The following C10orf71 variants were observed in gnomAD, a reference collection of about 807,000 sequenced individuals.
C10orf71 encodes the protein cardiac-enriched FHL2-interacting protein.
For missense variants in C10orf71, 1,869 were observed against 1,804.5 expected (o/e 1.04, Z -0.65); for synonymous variants, 758 against 726.3 (o/e 1.04, Z -0.70).
In C10orf71 at chr10:49,325,670, G is replaced by A; in HGVS notation, c.3125G>A (p.Gly1042Glu). 3 of 1,552,058 alleles carry A rather than the reference G, an allele frequency of 1.9e-6. No homozygotes were observed. The highest frequency in any genetic ancestry group is 1.4e-5 in the African/African-American group (1 of 73,180). Residue 1042 changes from glycine to glutamate, a missense_variant, in exon 3 of 3, where the codon GGG (glycine) becomes GAG (glutamate). Transcript: ENST00000374144. The stretch of plus-strand genomic sequence containing the variant: ...CACTTTTTGTCCACACCCAGAGCAG[G>A]GCCCCCTGGCAGAAGACTGGTCCCC... ...KSHFLSTPRA[G>E]PPGRRLVPSE...
chr10:49,314,493 G>A (rs1429765268), intron 1 of C10orf71, among the ~76,000 whole-genome samples: 2 of 152,210 alleles, frequency 1.3e-5, no homozygotes, highest in Non-Finnish European at 2.9e-5. Flanking sequence ...TGGTAAGCAA[G>A]AGAGTTTTTT....
chr10:49,325,900 T>G lies in C10orf71; in HGVS notation c.3355T>G (p.Trp1119Gly), dbSNP rs1826093080. The change falls in exon 3 of 3, where the codon TGG becomes GGG. Residue 1119 changes from tryptophan (W) to glycine (G), a missense_variant. Coordinates refer to ENST00000374144, the MANE Select transcript of C10orf71 (RefSeq NM_001135196.2). ...GGAGGACCTGACCCACGCCCTCGTG[T>G]GGGAGGGCGGCTCTGACCCCCTACT... is the stretch of plus-strand genomic sequence containing the variant. ...RREDLTHALV[W>G]EGGSDPLLEL... The G allele has an allele frequency of 6.5e-7, 1 of 1,549,796 alleles. No individual in the cohort carries two copies. Among genetic ancestry groups the G allele is most frequent in the Non-Finnish European group, 8.7e-7 (1 of 1,145,738 alleles).
Position 49,326,322 on chromosome 10 carries a change from G to A in C10orf71, c.3777G>A (p.Gly1259=), listed in dbSNP as rs1419473052. ...CGGAGCCTGTCGGGAGGCGGCCCGG[G>A]GGCCCCCAGTCCCTCACACCCCTGC... is the stretch of plus-strand genomic sequence containing the variant. ...GFSEPVGRRP[G]GPQSLTPLPA... Residue 1259 remains glycine (G), a synonymous_variant, in exon 3 of 3, where the codon GGG becomes GGA. Coordinates refer to ENST00000374144, the MANE Select transcript of C10orf71 (RefSeq NM_001135196.2). 1.3e-6 allele frequency: 2 copies of A among 1,549,532 alleles called. No individual in the cohort carries two copies. The highest frequency in any genetic ancestry group is 1.7e-6 in the Non-Finnish European group (2 of 1,146,418).
chr10:49,313,293 G>C (rs1052113239), intron 1 of C10orf71, among the ~76,000 whole-genome samples: 1 of 152,174 alleles, frequency 6.6e-6, no homozygotes, highest in Non-Finnish European at 1.5e-5. Context: ...AAGTAAAAAA[G>C]TCCAGGCAGA....
intron 1 of C10orf71, among the ~76,000 whole-genome samples, chr10:49,310,769 G>C (rs1848896382): frequency 6.9e-6 from 1 of 144,278 alleles, no homozygotes; most frequent in Non-Finnish European, 1.5e-5. Flanking sequence ...GAGACCCTCA[G>C]GTAGCCAGAT....
chr10:49,302,985 G>A (rs1169821158), intron 1 of C10orf71, among the ~76,000 whole-genome samples: 1 of 152,226 alleles, frequency 6.6e-6, no homozygotes, highest in Non-Finnish European at 1.5e-5. Flanking sequence ...AGTCCTGTGA[G>A]CATTAACTGA....
At chr10:49,307,691 A>G (rs1203494776) in intron 1 of C10orf71, among the ~76,000 whole-genome samples, 1 of 152,246 alleles carries the variant, frequency 6.6e-6, no homozygotes, top group Non-Finnish European at 1.5e-5. Context: ...GAAATTAGCC[A>G]GTGCTACAAA....
rs540976270 is a variant in C10orf71, at chr10:49,300,600, G to A, written c.-248+1367G>A. On this transcript the variant is annotated intron_variant, in intron 1 of 2. Transcript: ENST00000374144. ...CCACTTTTTAGGCCTGGCTGATACA[G>A]GAAATGTCCAGTTTGCTGTCACGGT... Among the ~76,000 whole-genome samples the A allele has an allele frequency of 7.2e-5, 11 of 152,270 alleles. No individual in the cohort carries two copies. The South Asian group carries it at 1.9e-3, about 26-fold the overall frequency.
chr10:49,315,159 G>A (rs1360335924), intron 1 of C10orf71, among the ~76,000 whole-genome samples: 1 of 152,148 alleles, frequency 6.6e-6, no homozygotes, highest in Admixed American at 6.5e-5. Context: ...TAGACACAGA[G>A]CACCTCTGTG....
chr10:49,314,686 C>T (rs1318700457), intron 1 of C10orf71, among the ~76,000 whole-genome samples: 1 of 152,164 alleles, frequency 6.6e-6, no homozygotes, highest in African/African-American at 2.4e-5. Flanking sequence ...ATCCTCATCC[C>T]TAAGTCAGAT....
Position 49,326,924 on chromosome 10 carries a change from AACACACACACACACACACACACAC to A in C10orf71, c.*86_*109del. 3 of 1,045,166 alleles carry A rather than the reference AACACACACACACACACACACACAC, an allele frequency of 2.9e-6. No homozygotes were observed. Among genetic ancestry groups the A allele is most frequent in the South Asian group, 3.4e-5 (2 of 58,966 alleles). 64.7% of individuals were successfully genotyped at this position (1,045,166 alleles called of 1,614,324 possible). On this transcript the variant is annotated 3_prime_UTR_variant, in exon 3 of 3. Transcript: ENST00000374144. ...TACTTCCCCCTCCCCCAAAACAAGC[AACACACACACACACACACACACAC>A]ACACACACACACACGATCATCAACA... is the stretch of plus-strand genomic sequence containing the variant.
In C10orf71 at chr10:49,323,109, C is replaced by T. The variant is rs759561140; in HGVS notation, c.564C>T (p.Phe188=). Residue 188 remains phenylalanine, a synonymous_variant, in exon 3 of 3, where the codon TTC becomes TTT. Coordinates refer to ENST00000374144, the MANE Select transcript of C10orf71 (RefSeq NM_001135196.2). ...PLPENSVNFC[F]DSAFLTVRRV... ...CAGAAAACAGTGTCAACTTCTGCTT[C>T]GATTCTGCCTTTCTGACAGTCAGGA... The T allele has an allele frequency of 1.3e-5, 21 of 1,613,908 alleles. No individual in the cohort carries two copies. Among genetic ancestry groups the T allele is most frequent in the Admixed American group, 3.3e-5 (2 of 60,010 alleles).
intron 1 of C10orf71, among the ~76,000 whole-genome samples, chr10:49,307,434 C>T (rs1401140981): frequency 6.6e-6 from 1 of 152,226 alleles, no homozygotes; most frequent in African/African-American, 2.4e-5. Flanking sequence ...GCCCATCTGG[C>T]CACCAGGAGT....
intron 1 of C10orf71, among the ~76,000 whole-genome samples, chr10:49,310,038 C>A (rs909344996): frequency 6.6e-6 from 1 of 152,188 alleles, no homozygotes; most frequent in Non-Finnish European, 1.5e-5. Flanking sequence ...ACAAAGCAAA[C>A]CCCAGTGGCT....
In C10orf71 at chr10:49,304,951, G is replaced by T. The variant is rs183744473; in HGVS notation, c.-248+5718G>T. ...AGCTGCTGGGTCTGCCTTTCCATTT[G>T]CCCCAAGGTCACCAAAGTGAGACTG... is the stretch of plus-strand genomic sequence containing the variant. On this transcript the variant is annotated intron_variant, in intron 1 of 2. Transcript: ENST00000374144. Among the ~76,000 whole-genome samples the T allele has an allele frequency of 1.8e-4, 27 of 152,350 alleles. No individual in the cohort carries two copies. The East Asian group carries it at 5.2e-3, about 29-fold the overall frequency.
At position 49,323,865 on chromosome 10, in the gene C10orf71, C is replaced by A. The variant is rs1467655377; in HGVS notation, c.1320C>A (p.Pro440=). Residue 440 remains proline (P), a synonymous_variant, in exon 3 of 3, where the codon CCC becomes CCA. Coordinates refer to ENST00000374144, the MANE Select transcript of C10orf71 (RefSeq NM_001135196.2). ...AACCCAATGAACATTATGATCCCCCCTTTAACATCAGTAAGCTCCTGACCC... is the reference window on the plus strand; with the variant it reads ...AACCCAATGAACATTATGATCCCCCATTTAACATCAGTAAGCTCCTGACCC... ...PVEPNEHYDP[P]FNISKLLTPI... 6.2e-7 allele frequency: 1 copy of A among 1,613,816 alleles called. No homozygotes were observed. Among genetic ancestry groups the A allele is most frequent in the Non-Finnish European group, 8.5e-7 (1 of 1,179,860 alleles).
rs1485817812 is a variant in C10orf71, at chr10:49,324,209, A to G, written c.1664A>G (p.Glu555Gly). Reference sequence around the variant, plus strand: ...GGGCTTGAGGAAAGCCCTCCAAATGAGCTTTCTAAGGAGAGACCCGCTGAT... The same window carrying G: ...GGGCTTGAGGAAAGCCCTCCAAATGGGCTTTCTAAGGAGAGACCCGCTGAT... ...PNGLEESPPN[E>G]LSKERPADDP... Residue 555 changes from glutamate to glycine, a missense_variant, in exon 3 of 3, where the codon GAG (glutamate) becomes GGG (glycine). Glu to Gly is a moderately conservative substitution (Grantham distance 98). Coordinates refer to ENST00000374144, the MANE Select transcript of C10orf71 (RefSeq NM_001135196.2). 6.2e-7 allele frequency: 1 copy of G among 1,613,754 alleles called. No homozygotes were observed. The highest frequency in any genetic ancestry group is 1.3e-5 in the African/African-American group (1 of 74,854).
Position 49,324,347 on chromosome 10 carries a change from C to T in C10orf71, c.1802C>T (p.Pro601Leu). Residue 601 changes from proline (P) to leucine (L), a missense_variant, in exon 3 of 3, where the codon CCC (proline) becomes CTC (leucine). By Grantham distance (98) the Pro-to-Leu change is moderately conservative. Transcript: ENST00000374144. ...LSTAPTIAKA[P>L]FYVNGEAAER... Reference sequence around the variant, plus strand: ...ACAGCTCCGACTATCGCCAAAGCCCCCTTCTATGTCAATGGGGAGGCTGCT... The same window carrying T: ...ACAGCTCCGACTATCGCCAAAGCCCTCTTCTATGTCAATGGGGAGGCTGCT... The T allele has an allele frequency of 6.2e-7, 1 of 1,613,864 alleles. No individual in the cohort carries two copies. Among genetic ancestry groups the T allele is most frequent in the Non-Finnish European group, 8.5e-7 (1 of 1,179,844 alleles).
Position 49,324,528 on chromosome 10 carries a change from G to C in C10orf71, c.1983G>C (p.Glu661Asp). ...NRDPEPGGAT[E>D]KMKTHQLENG... ...ATCCTGAGCCTGGAGGGGCTACAGA[G>C]AAAATGAAGACCCACCAGCTAGAGA... Residue 661 changes from glutamate (E) to aspartate (D), a missense_variant, in exon 3 of 3, where the codon GAG (glutamate) becomes GAC (aspartate). Physicochemically the swap from Glu to Asp is conservative, Grantham distance 45. Coordinates refer to ENST00000374144, the MANE Select transcript of C10orf71 (RefSeq NM_001135196.2). 1 of 1,613,270 alleles carries C rather than the reference G, an allele frequency of 6.2e-7. No homozygotes were observed. Among genetic ancestry groups the C allele is most frequent in the Non-Finnish European group, 8.5e-7 (1 of 1,179,546 alleles).
Sources: gnomAD v4.1 joint callset for allele counts (sites outside exome capture counted in the v4.1 genomes callset) on GRCh38, gnomAD v4.1.1 for gene constraint, MANE v1.5 for transcripts, NCBI Gene and HGNC (gene_info 2026-07-23, HGNC 2026-07-21) for gene names.